The following HTR4 variants were observed in gnomAD, a reference collection of about 807,000 sequenced individuals.
HTR4 encodes the protein 5-hydroxytryptamine (serotonin) receptor 4, G protein-coupled.
In HTR4, 16 loss-of-function variants were observed where a neutral mutation model predicts 36.8. The ratio of observed to expected loss-of-function variants is 0.43; its 90% confidence interval spans 0.29 to 0.66. HTR4 has a LOEUF of 0.66. Ranked by LOEUF, HTR4 falls within the 30% of genes least tolerant of loss-of-function variation. HTR4 has a pLI of 0.13. For missense variants in HTR4, 438 were observed against 490.9 expected (o/e 0.89, Z 1.02); for synonymous variants, 189 against 185.1 (o/e 1.02, Z -0.17).
At chr5:148,490,110 G>C (rs1756345765) in intron 6 of HTR4, among the ~76,000 whole-genome samples, 1 of 149,424 alleles carries the variant, frequency 6.7e-6, no homozygotes, top group Non-Finnish European at 1.5e-5. Flanking sequence ...CACCCTTTTG[G>C]AAAGTCATGC....
chr5:148,454,239 A>G, intron 5 of HTR4, among the ~76,000 whole-genome samples: 1 of 152,210 alleles, frequency 6.6e-6, no homozygotes. Context: ...CCTACCACAT[A>G]GCTTTGCTCT....
intron 1 of HTR4, among the ~76,000 whole-genome samples, chr5:148,640,317 C>T (rs1479941658): frequency 1.3e-5 from 2 of 152,250 alleles, no homozygotes; most frequent in African/African-American, 4.8e-5. Flanking sequence ...TCTCCAATCC[C>T]TAGCTCCAGT....
intron 5 of HTR4, among the ~76,000 whole-genome samples, chr5:148,461,331 A>ATCG (rs1396480899): frequency 1.3e-5 from 2 of 152,010 alleles, no homozygotes; most frequent in African/African-American, 4.8e-5. Context: ...GATTGTCAAA[A>ATCG]TCGATCAGAA....
At chr5:148,577,684 G>T (rs945701865) in intron 2 of HTR4, among the ~76,000 whole-genome samples, 2 of 152,024 alleles carry the variant, frequency 1.3e-5, no homozygotes, top group Admixed American at 6.6e-5. Flanking sequence ...GGATGGAGCT[G>T]GAGGCTATTA....
At chr5:148,546,528 C>T (rs986265861) in intron 4 of HTR4, among the ~76,000 whole-genome samples, 2 of 152,182 alleles carry the variant, frequency 1.3e-5, no homozygotes, top group Non-Finnish European at 2.9e-5. Context: ...TTGAAAAGTA[C>T]GTAGGCATAA....
At chr5:148,510,374 A>C (rs1757442115) in intron 5 of HTR4, among the ~76,000 whole-genome samples, 2 of 152,206 alleles carry the variant, frequency 1.3e-5, no homozygotes, top group Admixed American at 6.5e-5. Flanking sequence ...AAGAGAAATA[A>C]AATAGAGACA....
At chr5:148,497,818 A>G (rs1227490109) in intron 6 of HTR4, among the ~76,000 whole-genome samples, 1 of 152,332 alleles carries the variant, frequency 6.6e-6, no homozygotes, top group East Asian at 1.9e-4. Context: ...TCTTTCTAAT[A>G]CATGCATGCA....
intron 1 of HTR4, among the ~76,000 whole-genome samples, chr5:148,642,696 C>T (rs150305705): frequency 1.3e-5 from 2 of 152,198 alleles, no homozygotes; most frequent in African/African-American, 2.4e-5. Context: ...AAAAAATTAT[C>T]GAATCATCTG....
At chr5:148,531,667 C>T (rs796402932) in intron 4 of HTR4, among the ~76,000 whole-genome samples, 61 of 152,294 alleles carry the variant, frequency 4.0e-4, no homozygotes, top group African/African-American at 1.4e-3. Context: ...ACATTCTAAA[C>T]TTAAGGGCAT....
intron 5 of HTR4, among the ~76,000 whole-genome samples, chr5:148,511,619 T>TGTGTGTG (rs1757500386): frequency 1.4e-5 from 2 of 139,276 alleles, no homozygotes; most frequent in African/African-American, 2.6e-5. Context: ...TTGTGGAAGT[T>TGTGTGTG]TGTGTGTGTG....
chr5:148,604,796 T>C (rs943696321), intron 2 of HTR4, among the ~76,000 whole-genome samples: 1 of 152,168 alleles, frequency 6.6e-6, no homozygotes, highest in African/African-American at 2.4e-5. Context: ...TCAGAACTGA[T>C]ATATGGTAAT....
chr5:148,516,139 G>T (rs1019229107), intron 5 of HTR4, among the ~76,000 whole-genome samples: 4 of 150,926 alleles, frequency 2.7e-5, no homozygotes, highest in African/African-American at 4.9e-5. Flanking sequence ...ACAAGGTTAT[G>T]GTATAACATC....
intron 5 of HTR4, among the ~76,000 whole-genome samples, chr5:148,470,265 T>G (rs1755532485): frequency 6.6e-6 from 1 of 152,238 alleles, no homozygotes; most frequent in Non-Finnish European, 1.5e-5. Context: ...TTCAGCATTT[T>G]AAGCATATTA....
intron 5 of HTR4, among the ~76,000 whole-genome samples, chr5:148,459,593 A>C (rs2113691477): frequency 6.6e-6 from 1 of 152,304 alleles, no homozygotes; most frequent in South Asian, 2.1e-4. Context: ...AAGACAGAGA[A>C]CTAATCACAG....
intron 2 of HTR4, among the ~76,000 whole-genome samples, chr5:148,572,524 T>C (rs1438058781): frequency 6.6e-6 from 1 of 152,056 alleles, no homozygotes; most frequent in Non-Finnish European, 1.5e-5. Context: ...TACAGATGAA[T>C]AGAAATGTTT....
intron 2 of HTR4, among the ~76,000 whole-genome samples, chr5:148,556,309 C>G (rs1486792672): frequency 6.6e-6 from 1 of 152,070 alleles, no homozygotes; most frequent in Non-Finnish European, 1.5e-5. Context: ...CAGGCATGAG[C>G]CACCACGCCC....
At chr5:148,619,572 T>C (rs1323894780) in intron 2 of HTR4, among the ~76,000 whole-genome samples, 1 of 152,084 alleles carries the variant, frequency 6.6e-6, no homozygotes, top group African/African-American at 2.4e-5. Context: ...GGGCTATCAA[T>C]AGGGATCTGC....
intron 2 of HTR4, among the ~76,000 whole-genome samples, chr5:148,615,351 TA>T (rs1259010415): frequency 1.3e-5 from 2 of 151,548 alleles, no homozygotes; most frequent in African/African-American, 4.8e-5. Context: ...TATGCAGCCA[TA>T]AAAAATGATG....
intron 6 of HTR4, among the ~76,000 whole-genome samples, chr5:148,489,395 T>C (rs1756308574): frequency 6.6e-6 from 1 of 152,166 alleles, no homozygotes; most frequent in Non-Finnish European, 1.5e-5. Flanking sequence ...ACAGGCATTC[T>C]CAACCCCTAA....
Sources: gnomAD v4.1 joint callset for allele counts (sites outside exome capture counted in the v4.1 genomes callset) on GRCh38, gnomAD v4.1.1 for gene constraint, MANE v1.5 for transcripts, NCBI Gene and HGNC (gene_info 2026-07-23, HGNC 2026-07-21) for gene names.